The following PDLIM5 variants were observed in gnomAD, a reference collection of about 807,000 sequenced individuals.
The protein encoded by PDLIM5 is PDZ and LIM domain protein 5.
Under a neutral mutation model 64.2 loss-of-function variants are expected in PDLIM5, and 34 were observed. That is an observed-to-expected ratio of 0.53 (90% confidence interval 0.40 to 0.71). The LOEUF is 0.71. Among genes scored for constraint, PDLIM5 ranks in the 30% least tolerant of loss-of-function variants. The pLI is 0.00. For missense variants in PDLIM5, 683 were observed against 733.6 expected (o/e 0.93, Z 0.80); for synonymous variants, 253 against 269.1 (o/e 0.94, Z 0.59).
rs577628553 is a variant in PDLIM5, at chr4:94,546,594, A to T, written c.248+22719A>T. Among the ~76,000 whole-genome samples the T allele has an allele frequency of 7.9e-5, 12 of 152,280 alleles. No individual in the cohort carries two copies. The South Asian group carries it at 2.5e-3, about 32-fold the overall frequency. On this transcript the variant is annotated intron_variant, in intron 3 of 12. Transcript: ENST00000317968. ...TTTAATGTGGCTTAATTATCTATCT[A>T]ATATTAAATACAAATTAAATTTGCT...
chr4:94,664,105 GA>G lies in PDLIM5; in HGVS notation c.*43del. On this transcript the variant is annotated 3_prime_UTR_variant, in exon 13 of 13. Transcript: ENST00000317968. ...CAGGAGAAGAGAAGGAATTTGAAGA[GA>G]AAAAGGAAAATTAAAATTACTAATT... is the stretch of plus-strand genomic sequence containing the variant. 6.9e-7 allele frequency: 1 copy of G among 1,456,844 alleles called. No homozygotes were observed. The highest frequency in any genetic ancestry group is 9.2e-7 in the Non-Finnish European group (1 of 1,085,058). The allele number at this position is 1,456,844 out of a possible 1,614,324, so 90.2% of individuals were successfully genotyped here. A position where few individuals can be genotyped will look rare whatever the true frequency, so the allele number is the denominator to read the frequency against.
chr4:94,529,654 A>G (rs1051908650), intron 3 of PDLIM5, among the ~76,000 whole-genome samples: 7 of 152,186 alleles, frequency 4.6e-5, no homozygotes, highest in Non-Finnish European at 2.9e-5. Flanking sequence ...TTTCTATGAC[A>G]TCCTAAAAAA....
At chr4:94,600,644 A>G (rs1038435853) in intron 7 of PDLIM5, among the ~76,000 whole-genome samples, 4 of 152,196 alleles carry the variant, frequency 2.6e-5, no homozygotes, top group African/African-American at 9.7e-5. Context: ...GCTATTTCTA[A>G]CTAGTATAAA....
At chr4:94,473,616 G>A (rs1212285277) in intron 2 of PDLIM5, among the ~76,000 whole-genome samples, 1 of 152,192 alleles carries the variant, frequency 6.6e-6, no homozygotes, top group African/African-American at 2.4e-5. Context: ...CCTGTGCTAT[G>A]GTTTGTTGAT....
intron 2 of PDLIM5, among the ~76,000 whole-genome samples, chr4:94,505,350 C>G (rs929931549): frequency 2.0e-5 from 3 of 152,170 alleles, no homozygotes; most frequent in Non-Finnish European, 2.9e-5. Context: ...CCCCCACCTC[C>G]TGGGTTCAAG....
At chr4:94,468,779 G>A (rs1036775400) in intron 2 of PDLIM5, among the ~76,000 whole-genome samples, 1 of 152,178 alleles carries the variant, frequency 6.6e-6, no homozygotes, top group Non-Finnish European at 1.5e-5. Context: ...TCTCAGTATG[G>A]CAGGTTATGT....
chr4:94,646,474 C>T (rs779061465), intron 9 of PDLIM5, among the ~76,000 whole-genome samples: 6 of 152,126 alleles, frequency 3.9e-5, no homozygotes, highest in Admixed American at 1.3e-4. Flanking sequence ...GTTGTTGAAG[C>T]CACCCAGTCT....
chr4:94,464,695 T>G (rs904071165), intron 2 of PDLIM5, among the ~76,000 whole-genome samples: 1 of 152,196 alleles, frequency 6.6e-6, no homozygotes, highest in African/African-American at 2.4e-5. Flanking sequence ...TTGAAGTATC[T>G]TTATGCTACT....
chr4:94,625,250 C>A (rs1739570062), intron 8 of PDLIM5, among the ~76,000 whole-genome samples: 1 of 152,090 alleles, frequency 6.6e-6, no homozygotes, highest in African/African-American at 2.4e-5. Context: ...TTCATACTTT[C>A]TTTAATTGTG....
chr4:94,452,809 G>T (rs976636867), intron 1 of PDLIM5, among the ~76,000 whole-genome samples: 9 of 152,130 alleles, frequency 5.9e-5, no homozygotes, highest in Non-Finnish European at 1.3e-4. Context: ...GTCTGAACCC[G>T]CCTGCCACGG....
chr4:94,488,636 A>G (rs929310499), intron 2 of PDLIM5, among the ~76,000 whole-genome samples: 3 of 152,214 alleles, frequency 2.0e-5, no homozygotes, highest in Non-Finnish European at 2.9e-5. Flanking sequence ...TAAAAGACAT[A>G]AGAAAACACA....
chr4:94,558,081 A>G (rs1368393464), intron 3 of PDLIM5, among the ~76,000 whole-genome samples: 1 of 152,118 alleles, frequency 6.6e-6, no homozygotes, highest in East Asian at 1.9e-4. Context: ...GATACGTCCC[A>G]TCAGTGCCTA....
intron 2 of PDLIM5, among the ~76,000 whole-genome samples, chr4:94,469,993 G>T (rs1724714475): frequency 9.7e-6 from 1 of 103,028 alleles, no homozygotes; most frequent in African/African-American, 4.1e-5. Flanking sequence ...TTGAGACAGA[G>T]TCTCACTCTG....
Position 94,543,683 on chromosome 4 carries a change from T to C in PDLIM5, c.248+19808T>C, listed in dbSNP as rs557233345. On this transcript the variant is annotated intron_variant, in intron 3 of 12. Transcript: ENST00000317968. ...GGAGATCATGCGGTATTTGTCTGTG[T>C]GTGGCTTATTTCACTTAACATAATG... Among the ~76,000 whole-genome samples the C allele has an allele frequency of 1.6e-4, 25 of 152,294 alleles. 1 individual carries two copies. In the South Asian group the frequency reaches 4.1e-3, roughly 25 times the overall value.
chr4:94,525,773 T>C (rs766916919), intron 3 of PDLIM5, among the ~76,000 whole-genome samples: 1 of 152,202 alleles, frequency 6.6e-6, no homozygotes, highest in Non-Finnish European at 1.5e-5. Context: ...TTCTTTTCAG[T>C]GGGACTGCTG....
intron 9 of PDLIM5, among the ~76,000 whole-genome samples, chr4:94,646,732 A>C (rs1171959278): frequency 6.6e-6 from 1 of 152,190 alleles, no homozygotes; most frequent in Non-Finnish European, 1.5e-5. Context: ...TTTGTACAAC[A>C]AATGTCCATT....
rs947252865 is a variant in PDLIM5 at position 94,667,855 on chromosome 4, C to T, written c.*3788C>T. On this transcript the variant is annotated 3_prime_UTR_variant, in exon 13 of 13. Transcript: ENST00000317968. Reference sequence around the variant, plus strand: ...TATAGAAAATAATTTCTTCTTTACCCCCGTTCCAGTGTGAATCTAGTATTC... The same window carrying T: ...TATAGAAAATAATTTCTTCTTTACCTCCGTTCCAGTGTGAATCTAGTATTC... The T allele has an allele frequency of 6.6e-6, 1 of 151,974 alleles. No individual in the cohort carries two copies. The highest frequency in any genetic ancestry group is 2.4e-5 in the African/African-American group (1 of 41,388). 9.4% of individuals were successfully genotyped at this position (151,974 alleles called of 1,614,324 possible). A position where few individuals can be genotyped will look rare whatever the true frequency, so the allele number is the denominator to read the frequency against.
At chr4:94,584,988 A>G (rs1736041730) in intron 5 of PDLIM5, 1 of 1,531,024 alleles carries the variant, frequency 6.5e-7, no homozygotes, top group Non-Finnish European at 9.0e-7. Context: ...ATTAAAAGGA[A>G]AATCCCACCT....
chr4:94,545,488 A>T (rs938389213), intron 3 of PDLIM5, among the ~76,000 whole-genome samples: 3 of 152,204 alleles, frequency 2.0e-5, no homozygotes, highest in Non-Finnish European at 4.4e-5. Flanking sequence ...CATACCAAAA[A>T]TGGAAAAATT....
Sources: allele counts gnomAD v4.1 joint callset (sites outside exome capture counted in the v4.1 genomes callset), GRCh38; gene constraint gnomAD v4.1.1; transcripts MANE v1.5; gene names NCBI Gene and HGNC (gene_info 2026-07-23, HGNC 2026-07-21).